Variants in PSD3 observed in about 807,000 individuals in gnomAD.
The protein encoded by PSD3 is pleckstrin and Sec7 domain containing 3, also known as PH and SEC7 domain-containing protein 3.
A neutral mutation model predicts 105.5 loss-of-function variants in PSD3; 49 were observed. The observed-to-expected ratio is 0.46, with a 90% CI of 0.37 to 0.59. The LOEUF (loss-of-function observed/expected upper bound fraction) is 0.59. PSD3 is among the 20% of genes least tolerant of loss of function. PSD3 has a pLI of 0.00. For synonymous variants in PSD3, 557 were observed against 457.8 expected (o/e 1.22, Z -2.77); for missense variants, 1,561 against 1,263.8 (o/e 1.24, Z -3.57).
rs879516916 is a variant in PSD3, at chr8:18,993,617, TCCCCCC to T, written c.21+19940_21+19945del. On this transcript the variant is annotated intron_variant, in intron 1 of 15. Transcript: ENST00000327040. ...ACTATTTCATGAGTATTAGAGCTTA[TCCCCCC>T]AATTCAGTTGTATGCTTTAGCTCTC... 9.1e-4 allele frequency among the ~76,000 whole-genome samples: 138 copies of T among 152,076 alleles called. 3 individuals carry two copies. Among genetic ancestry groups the T allele is most frequent in the Middle Eastern group, 3.4e-3 (1 of 292 alleles).
chr8:18,847,926 G>A (rs1437555561), intron 4 of PSD3, among the ~76,000 whole-genome samples: 1 of 152,256 alleles, frequency 6.6e-6, no homozygotes. Flanking sequence ...AACAATCGGG[G>A]AGACATGAGC....
Position 18,726,045 on chromosome 8 carries a change from C to T in PSD3, c.2172+39404G>A, listed in dbSNP as rs574393626. On this transcript the variant is annotated intron_variant, in intron 9 of 15. Coordinates refer to ENST00000327040, the MANE Select transcript of PSD3 (RefSeq NM_015310.4). ...TGCCAAGCCATACTTATCTCTCAGC[C>T]AAGACACTAACCTCACAGTTCATGG... Among the ~76,000 whole-genome samples, 28 of 152,290 alleles carry T rather than the reference C, an allele frequency of 1.8e-4. No individual in the cohort carries two copies. In the South Asian group the frequency reaches 5.8e-3, roughly 32 times the overall value.
intron 9 of PSD3, among the ~76,000 whole-genome samples, chr8:18,678,934 A>C (rs1009155053): frequency 1.6e-5 from 2 of 122,224 alleles, no homozygotes; most frequent in African/African-American, 2.7e-5. Context: ...ATATATGCTT[A>C]AGTTTTTCTT....
At chr8:19,008,650 A>G (rs1488481941) in intron 1 of PSD3, among the ~76,000 whole-genome samples, 1 of 152,184 alleles carries the variant, frequency 6.6e-6, no homozygotes, top group African/African-American at 2.4e-5. Flanking sequence ...AATCTCCTAG[A>G]GGCCAAACAA....
At chr8:18,705,304 G>C (rs1801821425) in intron 9 of PSD3, among the ~76,000 whole-genome samples, 1 of 152,094 alleles carries the variant, frequency 6.6e-6, no homozygotes, top group East Asian at 1.9e-4. Flanking sequence ...AAGCCGGGTG[G>C]ACTGCTCAAG....
intron 1 of PSD3, chr8:19,000,827 G>A (rs975883776): frequency 6.6e-6 from 1 of 151,896 alleles, no homozygotes; most frequent in African/African-American, 2.4e-5. Flanking sequence ...TAGGGTTCCT[G>A]TACTTAGCTA....
chr8:18,616,618 C>CTTT (rs36197855), intron 11 of PSD3, among the ~76,000 whole-genome samples: 55 of 72,268 alleles, frequency 7.6e-4, no homozygotes, highest in Non-Finnish European at 9.0e-4. Context: ...ATCTTCCTCT[C>CTTT]TTTTCTTTTC....
chr8:18,678,020 A>AAAC (rs1800169797), intron 9 of PSD3, among the ~76,000 whole-genome samples: 1 of 151,602 alleles, frequency 6.6e-6, no homozygotes, highest in African/African-American at 2.4e-5. Context: ...AAAAAAAAAA[A>AAAC]AACAAAGTAA....
At position 18,988,876 on chromosome 8, in the gene PSD3, G is replaced by C. The variant is rs77351699; in HGVS notation, c.21+24687C>G. On this transcript the variant is annotated intron_variant, in intron 1 of 15. Coordinates refer to ENST00000327040, the MANE Select transcript of PSD3 (RefSeq NM_015310.4). Reference sequence around the variant, plus strand: ...ATGGAAAAATGACATGGAATAAAAAGCGTGTGTTTGTCCGGGAATGTAAGC... The same window carrying C: ...ATGGAAAAATGACATGGAATAAAAACCGTGTGTTTGTCCGGGAATGTAAGC... 4.4e-4 allele frequency among the ~76,000 whole-genome samples: 67 copies of C among 152,292 alleles called. 1 individual carries two copies. The East Asian group carries it at 0.012, about 27-fold the overall frequency.
rs1040305720 is a variant in PSD3 at position 18,527,828 on chromosome 8, C to T, written c.*7915G>A. The T allele has an allele frequency of 5.3e-5, 8 of 152,336 alleles. No individual in the cohort carries two copies. Among genetic ancestry groups the T allele is most frequent in the African/African-American group, 1.9e-4 (8 of 41,418 alleles). The allele number at this position is 152,336 out of a possible 1,614,324, so 9.4% of individuals were successfully genotyped here. A position where few individuals can be genotyped will look rare whatever the true frequency, so the allele number is the denominator to read the frequency against. On this transcript the variant is annotated 3_prime_UTR_variant, in exon 16 of 16. Transcript: ENST00000327040. ...CGTGTTATAGTACCGCCAGCTTACCCAAAACTGCTAATGCCGACAGTTTCG... is the reference window on the plus strand; with the variant it reads ...CGTGTTATAGTACCGCCAGCTTACCTAAAACTGCTAATGCCGACAGTTTCG...
At chr8:18,962,733 G>T (rs77726554) in intron 1 of PSD3, among the ~76,000 whole-genome samples, 440 of 152,272 alleles carry the variant, frequency 2.9e-3, no homozygotes, top group African/African-American at 0.01. Flanking sequence ...CTTAAAAAAA[G>T]AAAGTCATGC....
rs1009311502 is a variant in PSD3, at chr8:18,937,828, T to A, written c.22-1686A>T. On this transcript the variant is annotated intron_variant, in intron 1 of 15. Coordinates refer to ENST00000327040, the MANE Select transcript of PSD3 (RefSeq NM_015310.4). ...AGGTGCCCTAATTTGGGCAGGTGGT[T>A]AGGGAAAGCTCTCTGAGAAACTAAC... is the stretch of plus-strand genomic sequence containing the variant. Among the ~76,000 whole-genome samples the A allele has an allele frequency of 4.6e-5, 7 of 152,210 alleles. No homozygotes were observed. In the East Asian group the frequency reaches 1.4e-3, roughly 29 times the overall value.
At chr8:18,785,042 C>A (rs1427515543) in intron 8 of PSD3, among the ~76,000 whole-genome samples, 1 of 152,070 alleles carries the variant, frequency 6.6e-6, no homozygotes, top group East Asian at 1.9e-4. Flanking sequence ...AGGAGCTCAC[C>A]AAGGCTTGCC....
intron 10 of PSD3, among the ~76,000 whole-genome samples, chr8:18,651,712 T>A (rs2130837482): frequency 6.6e-6 from 1 of 152,286 alleles, no homozygotes; most frequent in South Asian, 2.1e-4. Flanking sequence ...GAGATCATAC[T>A]TCTGGTTAGC....
chr8:18,809,241 T>C (rs1811478842), intron 4 of PSD3, among the ~76,000 whole-genome samples: 1 of 152,192 alleles, frequency 6.6e-6, no homozygotes, highest in Admixed American at 6.5e-5. Context: ...CTTTACAGCC[T>C]AGTAAGGTTG....
At chr8:18,623,565 A>C (rs2130725334) in intron 11 of PSD3, among the ~76,000 whole-genome samples, 1 of 151,410 alleles carries the variant, frequency 6.6e-6, no homozygotes, top group Admixed American at 6.6e-5. Context: ...ACCTGAGCCC[A>C]GAAGTCTGAG....
chr8:18,648,290 G>A (rs949055378), intron 10 of PSD3, among the ~76,000 whole-genome samples: 12 of 152,150 alleles, frequency 7.9e-5, no homozygotes, highest in Non-Finnish European at 1.5e-4. Flanking sequence ...ATAGTGATAC[G>A]GACAATAAAG....
chr8:18,703,560 CAGAGA>C (rs1801715480), intron 9 of PSD3, among the ~76,000 whole-genome samples: 1 of 152,060 alleles, frequency 6.6e-6, no homozygotes, highest in Non-Finnish European at 1.5e-5. Context: ...ATAAATCACC[CAGAGA>C]AAAGAGATCC....
At chr8:18,954,919 A>G (rs1281368581) in intron 1 of PSD3, among the ~76,000 whole-genome samples, 1 of 152,140 alleles carries the variant, frequency 6.6e-6, no homozygotes, top group Non-Finnish European at 1.5e-5. Flanking sequence ...CAACTTTGTA[A>G]GTGACGTCAC....
Sources: gnomAD v4.1 joint callset for allele counts (sites outside exome capture counted in the v4.1 genomes callset) on GRCh38, gnomAD v4.1.1 for gene constraint, MANE v1.5 for transcripts, NCBI Gene and HGNC (gene_info 2026-07-23, HGNC 2026-07-21) for gene names.